Variants in MTRES1 observed in about 807,000 individuals in gnomAD.
MTRES1 encodes the protein uncharacterized protein C6orf203.
Under a neutral mutation model 17.4 loss-of-function variants are expected in MTRES1, and 11 were observed. The ratio of observed to expected loss-of-function variants is 0.63; its 90% confidence interval spans 0.40 to 1.05. The LOEUF (loss-of-function observed/expected upper bound fraction) is 1.05, where lower values mean the gene tolerates loss of function less well. Ranked by LOEUF, MTRES1 falls within the 50% of genes least tolerant of loss-of-function variation. MTRES1 has a pLI of 0.00. For missense variants in MTRES1, 268 were observed against 276.2 expected (o/e 0.97, Z 0.21); for synonymous variants, 94 against 99.6 (o/e 0.94, Z 0.34).
intron 3 of MTRES1, 76 bp downstream of exon 3, chr6:107,044,408 A>G: frequency 1.7e-6 from 2 of 1,192,746 alleles, no homozygotes; most frequent in Non-Finnish European, 2.5e-6. Context: ...ATGCTGTCCC[A>G]AATTTTCCCT....
At chr6:107,042,928 A>G (rs76752241) in intron 2 of MTRES1, among the ~76,000 whole-genome samples, 1 of 152,286 alleles carries the variant, frequency 6.6e-6, no homozygotes, top group East Asian at 1.9e-4. Context: ...GCAGTTCAAC[A>G]TCTATTTAGA....
rs73761781 is a variant in MTRES1, at chr6:107,028,827, G to A, written c.-13+556G>A. 5.8e-3 allele frequency: 5,541 copies of A among 947,354 alleles called. 251 individuals carry two copies. The African/African-American group carries it at 0.092, about 16-fold the overall frequency. 58.7% of individuals were successfully genotyped at this position (947,354 alleles called of 1,614,324 possible). The stretch of plus-strand genomic sequence containing the variant: ...GTTCAGATTGTATACCTCTCCTGAA[G>A]ATGTCACCCAAAACCTCCTATGGGA... On this transcript the variant is annotated intron_variant, in intron 1 of 3. Coordinates refer to ENST00000311381, the MANE Select transcript of MTRES1 (RefSeq NM_016487.5).
intron 1 of MTRES1, among the ~76,000 whole-genome samples, chr6:107,033,714 A>T (rs1456053008): frequency 3.3e-5 from 5 of 152,080 alleles, no homozygotes; most frequent in Non-Finnish European, 5.9e-5. Flanking sequence ...GCTACTTGGG[A>T]GGCTGAGGCA....
chr6:107,029,191 A>ATTTTTTTTTTTTTTT (rs35093769), intron 1 of MTRES1, among the ~76,000 whole-genome samples: 1 of 98,856 alleles, frequency 1.0e-5, no homozygotes, highest in African/African-American at 4.1e-5. Context: ...ACACCCGGCT[A>ATTTTTTTTTTTTTTT]TTTTTTTTTT....
chr6:107,044,838 A>G (rs1774337788), intron 3 of MTRES1, among the ~76,000 whole-genome samples: 2 of 152,192 alleles, frequency 1.3e-5, no homozygotes, highest in South Asian at 4.1e-4. Flanking sequence ...ACTGTTGTTA[A>G]GTGAAAGTCA....
chr6:107,041,224 CAAAAAAA>C (rs55820077), intron 2 of MTRES1, among the ~76,000 whole-genome samples: 1 of 122,874 alleles, frequency 8.1e-6, no homozygotes, highest in Non-Finnish European at 1.8e-5. Flanking sequence ...GACTCCGTCT[CAAAAAAA>C]AAAAAAAAAA....
chr6:107,047,445 C>G (rs1163791741), intron 3 of MTRES1, among the ~76,000 whole-genome samples: 1 of 151,722 alleles, frequency 6.6e-6, no homozygotes, highest in Non-Finnish European at 1.5e-5. Context: ...GTCTTAAACT[C>G]CTGACCTCAA....
At chr6:107,029,412 T>C (rs1333653979) in intron 1 of MTRES1, among the ~76,000 whole-genome samples, 8 of 151,804 alleles carry the variant, frequency 5.3e-5, no homozygotes, top group South Asian at 2.1e-4. Context: ...TGGTCTCGAT[T>C]TCCTGACTTC....
intron 2 of MTRES1, 175 bp downstream of exon 2, chr6:107,040,405 G>T: frequency 2.1e-6 from 1 of 479,660 alleles, no homozygotes; most frequent in Admixed American, 4.1e-5. Flanking sequence ...TTCCAAAGAA[G>T]TCAAGTGACT....
At chr6:107,043,498 C>G (rs1379771050) in intron 2 of MTRES1, among the ~76,000 whole-genome samples, 1 of 152,172 alleles carries the variant, frequency 6.6e-6, no homozygotes, top group Non-Finnish European at 1.5e-5. Flanking sequence ...ACTCAGAAAA[C>G]TTAACTACTA....
At chr6:107,031,766 A>G (rs1342737393) in intron 1 of MTRES1, among the ~76,000 whole-genome samples, 1 of 152,078 alleles carries the variant, frequency 6.6e-6, no homozygotes, top group African/African-American at 2.4e-5. Context: ...ACATTCAGCT[A>G]ATTTTTGTAT....
At position 107,030,233 on chromosome 6, in the gene MTRES1, A is replaced by T. The variant is rs1773791063; in HGVS notation, c.-13+1962A>T. On this transcript the variant is annotated intron_variant, in intron 1 of 3. Coordinates refer to ENST00000311381, the MANE Select transcript of MTRES1 (RefSeq NM_016487.5). Reference sequence around the variant, plus strand: ...GCACCAGATCCTATAGAGCCTTTAGACCATCGTAGAGACTTTGCTGTTCTC... The same window carrying T: ...GCACCAGATCCTATAGAGCCTTTAGTCCATCGTAGAGACTTTGCTGTTCTC... The T allele has an allele frequency of 2.7e-5, 19 of 707,660 alleles. No individual in the cohort carries two copies. In the South Asian group the frequency reaches 2.7e-4, roughly 10 times the overall value. 43.8% of individuals were successfully genotyped at this position (707,660 alleles called of 1,614,324 possible). A position where few individuals can be genotyped will look rare whatever the true frequency, so the allele number is the denominator to read the frequency against.
intron 1 of MTRES1, among the ~76,000 whole-genome samples, chr6:107,039,353 C>A (rs920148729): frequency 6.6e-6 from 1 of 151,674 alleles, no homozygotes; most frequent in African/African-American, 2.4e-5. Flanking sequence ...TGGTTTCTCT[C>A]TTGTTGCCTG....
In MTRES1 at chr6:107,051,387, A is replaced by G; in HGVS notation, c.*151A>G. The stretch of plus-strand genomic sequence containing the variant: ...GAAATTGGGATCCATATCTGGAGAC[A>G]CTTCCCAAGGCCTGCCTCACCTCCA... On this transcript the variant is annotated 3_prime_UTR_variant, in exon 4 of 4. Coordinates refer to ENST00000311381, the MANE Select transcript of MTRES1 (RefSeq NM_016487.5). The G allele has an allele frequency of 1.5e-6, 1 of 663,186 alleles. No individual in the cohort carries two copies. Among genetic ancestry groups the G allele is most frequent in the South Asian group, 2.0e-5 (1 of 50,410 alleles). 41.1% of individuals were successfully genotyped at this position (663,186 alleles called of 1,614,324 possible). A position where few individuals can be genotyped will look rare whatever the true frequency, so the allele number is the denominator to read the frequency against.
chr6:107,032,554 T>C (rs781877612), intron 1 of MTRES1, among the ~76,000 whole-genome samples: 5 of 152,136 alleles, frequency 3.3e-5, no homozygotes, highest in African/African-American at 4.8e-5. Context: ...CTGCTAAAGA[T>C]GCAAAAATTA....
At chr6:107,042,294 C>T (rs528973756) in intron 2 of MTRES1, among the ~76,000 whole-genome samples, 119 of 145,818 alleles carry the variant, frequency 8.2e-4, no homozygotes, top group African/African-American at 3.0e-3. Flanking sequence ...GAGCTGAGAT[C>T]GCACCACTGC....
chr6:107,036,766 C>T (rs1042948033), intron 1 of MTRES1, among the ~76,000 whole-genome samples: 2 of 151,092 alleles, frequency 1.3e-5, no homozygotes, highest in Non-Finnish European at 2.9e-5. Context: ...TGGCGAATGG[C>T]GTGAACCCAG....
chr6:107,050,360 C>T (rs550866060), intron 3 of MTRES1, among the ~76,000 whole-genome samples: 1 of 152,228 alleles, frequency 6.6e-6, no homozygotes, highest in South Asian at 2.1e-4. Context: ...AAGACTGCCC[C>T]CACTTTCTTT....
intron 1 of MTRES1, among the ~76,000 whole-genome samples, chr6:107,036,227 T>G (rs1358050915): frequency 6.6e-6 from 1 of 152,122 alleles, no homozygotes; most frequent in Non-Finnish European, 1.5e-5. Flanking sequence ...TTTCTTATAA[T>G]GCAAAATTTA....
Sources: allele counts gnomAD v4.1 joint callset (sites outside exome capture counted in the v4.1 genomes callset), GRCh38; gene constraint gnomAD v4.1.1; transcripts MANE v1.5; gene names NCBI Gene and HGNC (gene_info 2026-07-23, HGNC 2026-07-21).